PAX7: variants seen among roughly 807,000 people sequenced by gnomAD.
PAX7 encodes paired box 7.
PAX7 carries 18 observed loss-of-function variants against 50.7 expected under a neutral mutation model. The observed-to-expected ratio is 0.36, with a 90% CI of 0.25 to 0.53. The LOEUF is 0.53. PAX7 is among the 20% of genes least tolerant of loss of function. The pLI is 0.93. For missense variants in PAX7, 644 were observed against 702.9 expected, an observed-to-expected ratio of 0.92 and a Z score of 0.95; for synonymous variants, 310 against 290.4, an observed-to-expected ratio of 1.07 and a Z score of -0.69.
chr1:18,692,865 G>A (rs1038985659), intron 5 of PAX7, among the ~76,000 whole-genome samples: 4 of 152,130 alleles, frequency 2.6e-5, no homozygotes, highest in South Asian at 2.1e-4. Flanking sequence ...CCAATGGCTC[G>A]AGGACTGCCC....
At chr1:18,676,735 A>G (rs2100254958) in intron 4 of PAX7, among the ~76,000 whole-genome samples, 1 of 152,222 alleles carries the variant, frequency 6.6e-6, no homozygotes, top group Non-Finnish European at 1.5e-5. Context: ...GTCCCTTCTG[A>G]AACTCCTCAC....
At chr1:18,678,810 G>A (rs1383916892) in intron 4 of PAX7, among the ~76,000 whole-genome samples, 2 of 152,160 alleles carry the variant, frequency 1.3e-5, no homozygotes, top group South Asian at 2.1e-4. Flanking sequence ...GGCACAAGTC[G>A]GTATGGAGGC....
chr1:18,659,591 T>G (rs2088572333), intron 4 of PAX7, among the ~76,000 whole-genome samples: 1 of 152,098 alleles, frequency 6.6e-6, no homozygotes, highest in South Asian at 2.1e-4. Context: ...CCCTGGTGGT[T>G]TTTCCCCTGG....
chr1:18,662,107 C>T (rs1279276473), intron 4 of PAX7, among the ~76,000 whole-genome samples: 30 of 117,292 alleles, frequency 2.6e-4, no homozygotes, highest in South Asian at 3.2e-4. Context: ...GTTGGTGCTT[C>T]GCTGGGGGTA....
At position 18,635,121 on chromosome 1, in the gene PAX7, C is replaced by T. The variant is rs376411971; in HGVS notation, c.332C>T (p.Thr111Ile). 3.5e-5 allele frequency: 56 copies of T among 1,613,648 alleles called. No individual in the cohort carries two copies. Among genetic ancestry groups the T allele is most frequent in the Non-Finnish European group, 4.7e-5 (55 of 1,179,782 alleles). Residue 111 changes from threonine to isoleucine, a missense_variant, in exon 3 of 9, where the codon ACT becomes ATT. Physicochemically the swap from Thr to Ile is moderately conservative, Grantham distance 89 (BLOSUM62 -1). Coordinates refer to ENST00000420770, the MANE Select transcript of PAX7 (RefSeq NM_001135254.2). The part of the protein sequence containing the change: ...IGGSKPRQVA[T>I]PDVEKKIEEY... Reference sequence around the variant, plus strand: ...CCTCCACCTCTGAAGCAGGTGGCGACTCCGGATGTAGAGAAAAAGATTGAG... The same window carrying T: ...CCTCCACCTCTGAAGCAGGTGGCGATTCCGGATGTAGAGAAAAAGATTGAG...
chr1:18,647,142 G>T (rs1268468351), intron 4 of PAX7, among the ~76,000 whole-genome samples: 6 of 152,114 alleles, frequency 3.9e-5, no homozygotes, highest in Non-Finnish European at 7.4e-5. Context: ...CCGGGCCCTG[G>T]TGCAGGGCCT....
chr1:18,744,697 G>GATGGATGGATAGATAA (rs1553145061), intron 8 of PAX7, 117 bp from the exon 9 acceptor site: 3 of 506,658 alleles, frequency 5.9e-6, no homozygotes, highest in African/African-American at 5.4e-5. Flanking sequence ...TAAATGGATG[G>GATGGATGGATAGATAA]ATGGATGGAT....
At chr1:18,671,771 G>T (rs1281155145) in intron 4 of PAX7, among the ~76,000 whole-genome samples, 13 of 151,490 alleles carry the variant, frequency 8.6e-5, no homozygotes, top group African/African-American at 3.2e-4. Flanking sequence ...ATCACTCGAG[G>T]CCAGGAGCTG....
intron 4 of PAX7, among the ~76,000 whole-genome samples, chr1:18,677,888 C>A (rs987420271): frequency 7.3e-5 from 11 of 150,328 alleles, no homozygotes. Flanking sequence ...TCAAGACCAG[C>A]CTGACCAATA....
chr1:18,657,292 C>T (rs1182412826), intron 4 of PAX7, among the ~76,000 whole-genome samples: 1 of 151,912 alleles, frequency 6.6e-6, no homozygotes, highest in Non-Finnish European at 1.5e-5. Flanking sequence ...TGAAACTCCA[C>T]CCCCAGCCTA....
At chr1:18,646,961 G>A (rs1203669665) in intron 4 of PAX7, among the ~76,000 whole-genome samples, 1 of 143,186 alleles carries the variant, frequency 7.0e-6, no homozygotes, top group Non-Finnish European at 1.5e-5. Context: ...GGGCACGCTG[G>A]GAGCCCGGGG....
rs145319088 is a variant in PAX7, at chr1:18,733,291, T to C, written c.1156-2341T>C. ...ACTGTTGACCCGACCACAACAAAGA[T>C]CTCAGAAGCACATTCAACACAGAGC... On this transcript the variant is annotated intron_variant, in intron 7 of 8. Coordinates refer to ENST00000420770, the MANE Select transcript of PAX7 (RefSeq NM_001135254.2). 3.3e-5 allele frequency among the ~76,000 whole-genome samples: 5 copies of C among 152,176 alleles called. No individual in the cohort carries two copies. In the East Asian group the frequency reaches 9.7e-4, roughly 29 times the overall value.
At chr1:18,682,565 G>A (rs889431989) in intron 4 of PAX7, among the ~76,000 whole-genome samples, 6 of 152,150 alleles carry the variant, frequency 3.9e-5, no homozygotes, top group Non-Finnish European at 5.9e-5. Flanking sequence ...TGAAGTGGGC[G>A]GGACTCCAGC....
Position 18,631,098 on chromosome 1 carries a change from A to G in PAX7, c.-506A>G, listed in dbSNP as rs1209879877. The G allele has an allele frequency of 2.2e-5, 5 of 230,390 alleles. No homozygotes were observed. The highest frequency in any genetic ancestry group is 1.1e-4 in the Admixed American group (2 of 17,754). The allele number at this position is 230,390 out of a possible 1,614,324, so 14.3% of individuals were successfully genotyped here. On this transcript the variant is annotated 5_prime_UTR_variant, in exon 1 of 9. Coordinates refer to ENST00000420770, the MANE Select transcript of PAX7 (RefSeq NM_001135254.2). ...CGAGAGCGAGAGAATAAATATATAAATAAATACGAGAACGAAATCCACTCC... is the reference window on the plus strand; with the variant it reads ...CGAGAGCGAGAGAATAAATATATAAGTAAATACGAGAACGAAATCCACTCC...
intron 4 of PAX7, among the ~76,000 whole-genome samples, chr1:18,691,450 G>T (rs1452355806): frequency 6.6e-6 from 1 of 152,166 alleles, no homozygotes; most frequent in Non-Finnish European, 1.5e-5. Context: ...TAAACAAAAT[G>T]CCCAACCAGA....
chr1:18,655,854 C>T (rs2088509024), intron 4 of PAX7, among the ~76,000 whole-genome samples: 1 of 151,176 alleles, frequency 6.6e-6, no homozygotes, highest in Non-Finnish European at 1.5e-5. Flanking sequence ...CTGGGAGACC[C>T]ATCTCCTAGG....
In PAX7 at chr1:18,703,101, C is replaced by T. The variant is rs2089242191; in HGVS notation, c.960C>T (p.Gly320=). ...YPTTTISQDG[G]STVHRPQPLP... Reference sequence around the variant, plus strand: ...TCTTGGGTCTCTCTACAGATGGGGGCAGCACTGTGCACCGGCCTCAGCCCC... The same window carrying T: ...TCTTGGGTCTCTCTACAGATGGGGGTAGCACTGTGCACCGGCCTCAGCCCC... The change falls in exon 7 of 9, where the codon GGC becomes GGT. Residue 320 remains glycine, a synonymous_variant. Coordinates refer to ENST00000420770, the MANE Select transcript of PAX7 (RefSeq NM_001135254.2). 6.2e-7 allele frequency: 1 copy of T among 1,613,628 alleles called. No individual in the cohort carries two copies. The highest frequency in any genetic ancestry group is 1.7e-5 in the Admixed American group (1 of 60,010).
chr1:18,735,963 A>G lies in PAX7; in HGVS notation c.1402+85A>G, dbSNP rs771923620. ...TCCTGCTTGTTTATGGAGAGCTACA[A>G]GGTGGTGTCAGGGTGGGGAATGTCC... On this transcript the variant is annotated intron_variant, in intron 8 of 8. Coordinates refer to ENST00000420770, the MANE Select transcript of PAX7 (RefSeq NM_001135254.2). The surrounding 1 kb of genome is among the most constrained non-coding windows in gnomAD (Gnocchi z 4.0). 3.1e-6 allele frequency: 5 copies of G among 1,613,806 alleles called. No individual in the cohort carries two copies. In the East Asian group the frequency reaches 6.7e-5, roughly 22 times the overall value.
At chr1:18,682,473 A>C (rs1570165467) in intron 4 of PAX7, among the ~76,000 whole-genome samples, 1 of 152,140 alleles carries the variant, frequency 6.6e-6, no homozygotes, top group Non-Finnish European at 1.5e-5. Flanking sequence ...CTTCGAGAAG[A>C]AGCAAGAAGT....
Sources: allele counts gnomAD v4.1 joint callset (sites outside exome capture counted in the v4.1 genomes callset), GRCh38; gene constraint gnomAD v4.1.1; non-coding constraint Gnocchi (gnomAD v3.1); transcripts MANE v1.5; gene names NCBI Gene and HGNC (gene_info 2026-07-23, HGNC 2026-07-21).